The following MIA2 variants were observed in gnomAD, a reference collection of about 807,000 sequenced individuals.
MIA2 encodes the protein MIA SH3 domain ER export factor 2.
A neutral mutation model predicts 167.8 loss-of-function variants in MIA2; 127 were observed. That is an observed-to-expected ratio of 0.76 (90% CI 0.66 to 0.88). The LOEUF (loss-of-function observed/expected upper bound fraction) is 0.88. Ranked by LOEUF, MIA2 falls within the 40% of genes least tolerant of loss-of-function variation. The pLI, the probability that MIA2 is intolerant of heterozygous loss-of-function variation, is 0.00. For missense variants in MIA2, 1,690 were observed against 1,624.7 expected, an observed-to-expected ratio of 1.04 and a Z score of -0.69; for synonymous variants, 552 against 541.9, an observed-to-expected ratio of 1.02 and a Z score of -0.26.
chr14:39,319,493 G>C (rs949776993), intron 23 of MIA2, among the ~76,000 whole-genome samples: 1 of 151,562 alleles, frequency 6.6e-6, no homozygotes, highest in Non-Finnish European at 1.5e-5. Flanking sequence ...GAAAATTACT[G>C]TTGCTTTTAT....
chr14:39,332,285 G>T (rs1172215517), intron 25 of MIA2, among the ~76,000 whole-genome samples: 1 of 151,910 alleles, frequency 6.6e-6, no homozygotes, highest in Non-Finnish European at 1.5e-5. Context: ...TGTGTTTTTT[G>T]GCTGCATCAG....
At position 39,318,003 on chromosome 14, in the gene MIA2, C is replaced by T. The variant is rs1457715960; in HGVS notation, c.3276C>T (p.Asn1092=). 2 of 1,579,964 alleles carry T rather than the reference C, an allele frequency of 1.3e-6. No homozygotes were observed. The highest frequency in any genetic ancestry group is 1.4e-5 in the African/African-American group (1 of 73,072). Residue 1092 remains asparagine (N), a synonymous_variant, in exon 22 of 29, where the codon AAC becomes AAT. Coordinates refer to ENST00000640607, the MANE Select transcript of MIA2 (RefSeq NM_001329214.4). The part of the protein sequence containing the change: ...LNDLRKENAH[N]RQKLTETELK... ...ATTTAAGGAAAGAAAATGCTCACAACAGACAAAAGTAAGTATCTTAGTGGG... is the reference window on the plus strand; with the variant it reads ...ATTTAAGGAAAGAAAATGCTCACAATAGACAAAAGTAAGTATCTTAGTGGG...
chr14:39,304,993 C>T (rs1026203985), intron 17 of MIA2, among the ~76,000 whole-genome samples: 26 of 152,022 alleles, frequency 1.7e-4, no homozygotes, highest in South Asian at 6.2e-4. Flanking sequence ...TTACCATATG[C>T]GTTTGCATCA....
chr14:39,240,594 G>A lies in MIA2; in HGVS notation c.283G>A (p.Ala95Thr). 6.2e-7 allele frequency: 1 copy of A among 1,613,250 alleles called. No individual in the cohort carries two copies. The highest frequency in any genetic ancestry group is 1.3e-5 in the African/African-American group (1 of 75,020). Residue 95 changes from alanine (A) to threonine (T), a missense_variant, in exon 3 of 29, where the codon GCA (alanine) becomes ACA (threonine). Ala to Thr is a moderately conservative substitution (Grantham distance 58, BLOSUM62 0). Coordinates refer to ENST00000640607, the MANE Select transcript of MIA2 (RefSeq NM_001329214.4). ...GKEFGYFPRD[A>T]VQIEEVFISE... Reference sequence around the variant, plus strand: ...GGAGTTTGGATATTTTCCCAGAGATGCAGTCCAGATTGAAGAGGTGTTCAT... The same window carrying A: ...GGAGTTTGGATATTTTCCCAGAGATACAGTCCAGATTGAAGAGGTGTTCAT...
intron 23 of MIA2, among the ~76,000 whole-genome samples, chr14:39,319,862 A>G (rs543194819): frequency 6.6e-6 from 1 of 152,164 alleles, no homozygotes; most frequent in South Asian, 2.1e-4. Flanking sequence ...ATCTCAAACT[A>G]TTGCAAACAG....
At position 39,266,686 on chromosome 14, in the gene MIA2, G is replaced by C. The variant is rs548281812; in HGVS notation, c.1888-10248G>C. On this transcript the variant is annotated intron_variant, in intron 6 of 28. Transcript: ENST00000640607. Reference sequence around the variant, plus strand: ...GCCCCGCAGGCCATTTTTCTGACTGGAATGACGGCGGCGGCTGGCTTCTCG... The same window carrying C: ...GCCCCGCAGGCCATTTTTCTGACTGCAATGACGGCGGCGGCTGGCTTCTCG... The C allele has an allele frequency of 4.1e-6, 4 of 985,490 alleles. No individual in the cohort carries two copies. The African/African-American group carries it at 7.0e-5, about 17-fold the overall frequency. The allele number at this position is 985,490 out of a possible 1,614,324, so 61.0% of individuals were successfully genotyped here.
chr14:39,315,146 A>AT (rs60335660), intron 20 of MIA2: 2 of 158,500 alleles, frequency 1.3e-5, no homozygotes, highest in Admixed American at 1.4e-4. Flanking sequence ...AAAAAAAAAA[A>AT]TACAAAAATA....
chr14:39,312,817 TTAA>T (rs2064561856), intron 18 of MIA2, among the ~76,000 whole-genome samples: 1 of 152,100 alleles, frequency 6.6e-6, no homozygotes, highest in Non-Finnish European at 1.5e-5. Context: ...ATTATTATTA[TTAA>T]TAGAATTAGA....
intron 25 of MIA2, among the ~76,000 whole-genome samples, chr14:39,338,687 A>G (rs1381965525): frequency 6.6e-6 from 1 of 152,264 alleles, no homozygotes; most frequent in Non-Finnish European, 1.5e-5. Context: ...ACAAAAATTT[A>G]TCAATGTGAC....
At chr14:39,257,631 G>T (rs1048460074) in intron 6 of MIA2, among the ~76,000 whole-genome samples, 16 of 152,186 alleles carry the variant, frequency 1.1e-4, no homozygotes, top group African/African-American at 3.6e-4. Flanking sequence ...TTGTCATGAT[G>T]CTAGCTGGTT....
At chr14:39,320,279 GAAACA>G (rs1194080724) in intron 23 of MIA2, among the ~76,000 whole-genome samples, 1 of 152,006 alleles carries the variant, frequency 6.6e-6, no homozygotes, top group Non-Finnish European at 1.5e-5. Context: ...TTTGACTTTG[GAAACA>G]AAACCATTAT....
At chr14:39,275,116 A>G (rs1312293347) in intron 6 of MIA2, among the ~76,000 whole-genome samples, 2 of 92,824 alleles carry the variant, frequency 2.2e-5, no homozygotes, top group East Asian at 5.8e-4. Flanking sequence ...ATTATTCCTT[A>G]ATTTCCATGT....
intron 3 of MIA2, among the ~76,000 whole-genome samples, chr14:39,244,476 T>C (rs1363599329): frequency 1.3e-5 from 2 of 152,192 alleles, no homozygotes; most frequent in Admixed American, 1.3e-4. Flanking sequence ...GGGTTGGGCA[T>C]TGAAGCCAAA....
At chr14:39,335,876 A>C (rs1211627523) in intron 25 of MIA2, among the ~76,000 whole-genome samples, 4 of 152,190 alleles carry the variant, frequency 2.6e-5, no homozygotes, top group African/African-American at 9.6e-5. Context: ...ATATTTCTGC[A>C]TTAATTCACT....
rs1365642319 is a variant in MIA2, at chr14:39,346,732, C to CTA, written c.3778+711_3778+712dup. Among the ~76,000 whole-genome samples the CTA allele has an allele frequency of 6.7e-5, 10 of 149,104 alleles. No homozygotes were observed. In the South Asian group the frequency reaches 1.3e-3, roughly 19 times the overall value. ...AATATTGATTTTCTGACATAGTAGA[C>CTA]TATATAATATAGCTGGGACTACAGG... is the stretch of plus-strand genomic sequence containing the variant. On this transcript the variant is annotated intron_variant, in intron 26 of 28. Coordinates refer to ENST00000640607, the MANE Select transcript of MIA2 (RefSeq NM_001329214.4).
At chr14:39,234,294 T>A (rs7143646) in intron 1 of MIA2, 65 bp downstream of exon 1, 67 of 1,024,148 alleles carry the variant, frequency 6.5e-5, no homozygotes, top group Non-Finnish European at 8.7e-5. Flanking sequence ...TAAAATCTTA[T>A]TGTGGTCACG....
intron 25 of MIA2, among the ~76,000 whole-genome samples, chr14:39,341,920 C>A (rs2071965795): frequency 6.6e-6 from 1 of 152,078 alleles, no homozygotes; most frequent in South Asian, 2.1e-4. Context: ...CATTCTAACA[C>A]TCTTAAGAGT....
intron 14 of MIA2, among the ~76,000 whole-genome samples, chr14:39,300,236 A>C (rs1014724231): frequency 1.3e-5 from 2 of 152,126 alleles, no homozygotes; most frequent in Admixed American, 1.3e-4. Flanking sequence ...GTATTTAATA[A>C]AGAAATAAAA....
At position 39,286,895 on chromosome 14, in the gene MIA2, G is replaced by GTGTGTGTGTGTA. The variant is rs1555365931; in HGVS notation, c.2131-4121_2131-4120insGTGTGTGTATGT. On this transcript the variant is annotated intron_variant, in intron 9 of 28. Coordinates refer to ENST00000640607, the MANE Select transcript of MIA2 (RefSeq NM_001329214.4). ...TGTGTGTGTGTGTGTGTGTGTGTGT[G>GTGTGTGTGTGTA]TGTATTTTTTGGTAGAGACAGGGTT... 1.1e-4 allele frequency among the ~76,000 whole-genome samples: 16 copies of GTGTGTGTGTGTA among 149,192 alleles called. No individual in the cohort carries two copies. The East Asian group carries it at 1.4e-3, about 13-fold the overall frequency.
Sources: gnomAD v4.1 joint callset for allele counts (sites outside exome capture counted in the v4.1 genomes callset) on GRCh38, gnomAD v4.1.1 for gene constraint, MANE v1.5 for transcripts, NCBI Gene and HGNC (gene_info 2026-07-23, HGNC 2026-07-21) for gene names.